The following NAV2 variants were observed in gnomAD, a reference collection of about 807,000 sequenced individuals.
The protein encoded by NAV2 is neuron navigator 2, also known as helicase, APC down-regulated 1.
NAV2 carries 54 observed loss-of-function variants against 223.2 expected under a neutral mutation model. The ratio of observed to expected loss-of-function variants is 0.24; its 90% CI spans 0.19 to 0.30. The LOEUF is 0.30. Ranked by LOEUF, NAV2 falls within the 10% of genes least tolerant of loss-of-function variation. The pLI, the probability that NAV2 is intolerant of heterozygous loss-of-function variation, is 1.00. For synonymous variants in NAV2, 1,279 were observed against 1,239.3 expected (o/e 1.03, Z -0.67); for missense variants, 2,806 against 3,147.5 (o/e 0.89, Z 2.60).
At chr11:19,346,651 C>T (rs1005657984), upstream of NAV2, among the ~76,000 whole-genome samples, 3 of 152,182 alleles carry the variant, frequency 2.0e-5, no homozygotes, top group African/African-American at 4.8e-5. Context: ...ACGCTCCGCT[C>T]GCTCGCAGTG....
At chr11:19,463,003 A>G (rs1473693996) in intron 1 of NAV2, among the ~76,000 whole-genome samples, 1 of 152,218 alleles carries the variant, frequency 6.6e-6, no homozygotes, top group East Asian at 1.9e-4. Flanking sequence ...CTTCGATAGT[A>G]ACTGAGCTGA....
chr11:19,464,294 C>A (rs532263958), intron 1 of NAV2, among the ~76,000 whole-genome samples: 17 of 152,246 alleles, frequency 1.1e-4, no homozygotes, highest in Admixed American at 1.0e-3. Flanking sequence ...GGGGCTGGGG[C>A]CCGGAAAAAT....
intron 3 of NAV2, among the ~76,000 whole-genome samples, chr11:19,854,814 G>T (rs1480896181): frequency 6.6e-6 from 1 of 152,138 alleles, no homozygotes; most frequent in Non-Finnish European, 1.5e-5. Context: ...TTCTTCCTCT[G>T]TGAAGTGTCC....
chr11:19,833,004 T>G (rs1465067890), intron 2 of NAV2, among the ~76,000 whole-genome samples: 1 of 152,236 alleles, frequency 6.6e-6, no homozygotes. Context: ...GGTTTAATCC[T>G]GCCAACTCTA....
intron 1 of NAV2, among the ~76,000 whole-genome samples, chr11:19,807,446 A>G (rs1344506357): frequency 6.6e-6 from 1 of 152,208 alleles, no homozygotes; most frequent in Non-Finnish European, 1.5e-5. Context: ...TTTGGGGCAC[A>G]TTTAGGGTCC....
intron 10 of NAV2, among the ~76,000 whole-genome samples, chr11:19,967,432 G>A (rs1402317371): frequency 6.6e-6 from 1 of 151,998 alleles, no homozygotes; most frequent in Non-Finnish European, 1.5e-5. Context: ...ACAAGGTGCA[G>A]GATTCAAAAC....
intron 1 of NAV2, among the ~76,000 whole-genome samples, chr11:19,521,552 A>C (rs1343927192): frequency 6.6e-6 from 1 of 152,192 alleles, no homozygotes; most frequent in East Asian, 1.9e-4. Flanking sequence ...TGCAGCTCAC[A>C]GTTTCATTCT....
upstream of NAV2, among the ~76,000 whole-genome samples, chr11:19,349,884 G>T (rs935070350): frequency 2.6e-5 from 4 of 152,112 alleles, no homozygotes; most frequent in African/African-American, 9.7e-5. Flanking sequence ...CAGATTCCCA[G>T]GCAGGGAATG....
chr11:19,531,533 G>A (rs1446814925), intron 1 of NAV2, among the ~76,000 whole-genome samples: 1 of 152,238 alleles, frequency 6.6e-6, no homozygotes, highest in South Asian at 2.1e-4. Context: ...TTTGTTGACA[G>A]ATTGGATGCA....
chr11:19,521,856 T>G (rs113749003), intron 1 of NAV2, among the ~76,000 whole-genome samples: 1 of 152,218 alleles, frequency 6.6e-6, no homozygotes, highest in Admixed American at 6.5e-5. Context: ...CCTTTCTCTT[T>G]GGCCACTATC....
intron 10 of NAV2, among the ~76,000 whole-genome samples, chr11:19,953,837 C>T (rs375307357): frequency 6.1e-4 from 90 of 148,486 alleles, no homozygotes; most frequent in African/African-American, 2.2e-3. Flanking sequence ...CTGAGATGCA[C>T]AAGAAATGTG....
chr11:19,517,774 A>G (rs933433458), intron 1 of NAV2, among the ~76,000 whole-genome samples: 8 of 152,262 alleles, frequency 5.3e-5, no homozygotes, highest in African/African-American at 1.2e-4. Flanking sequence ...TTTGCAGGTA[A>G]GAAAGCCCAC....
intron 1 of NAV2, among the ~76,000 whole-genome samples, chr11:19,624,734 T>C (rs183772323): frequency 2.2e-4 from 34 of 152,290 alleles, no homozygotes; most frequent in Admixed American, 2.0e-3. Flanking sequence ...CTGCTTCGGC[T>C]CACGCTTGGT....
chr11:19,592,015 C>G (rs1002662849), intron 1 of NAV2, among the ~76,000 whole-genome samples: 6 of 152,226 alleles, frequency 3.9e-5, no homozygotes, highest in Non-Finnish European at 8.8e-5. Context: ...CCCTATCACA[C>G]TTATTGATCT....
intron 1 of NAV2, among the ~76,000 whole-genome samples, chr11:19,821,210 C>G (rs1401645279): frequency 2.0e-5 from 3 of 147,818 alleles, no homozygotes; most frequent in African/African-American, 7.6e-5. Context: ...TGCAGTGAGC[C>G]GAGATTGCGC....
intron 1 of NAV2, among the ~76,000 whole-genome samples, chr11:19,476,224 C>T (rs558601660): frequency 3.3e-5 from 5 of 152,280 alleles, no homozygotes; most frequent in South Asian, 4.1e-4. Flanking sequence ...CCACCTGCCT[C>T]GGCCTCCCAA....
chr11:19,455,304 G>A (rs754932933), intron 1 of NAV2, among the ~76,000 whole-genome samples: 5 of 152,150 alleles, frequency 3.3e-5, no homozygotes, highest in African/African-American at 4.8e-5. Flanking sequence ...TGGGTTGGAA[G>A]GTTGGAGACC....
At chr11:19,407,987 C>T (rs577557095) in intron 1 of NAV2, among the ~76,000 whole-genome samples, 3 of 152,234 alleles carry the variant, frequency 2.0e-5, no homozygotes, top group South Asian at 4.2e-4. Context: ...AGCAAATTGT[C>T]GGCAAGCCCA....
intron 1 of NAV2, among the ~76,000 whole-genome samples, chr11:19,429,027 G>A (rs1393368240): frequency 6.6e-6 from 1 of 152,162 alleles, no homozygotes; most frequent in African/African-American, 2.4e-5. Flanking sequence ...GGGGAGAAGG[G>A]GAATGGGGAA....
Sources: gnomAD v4.1 joint callset for allele counts (sites outside exome capture counted in the v4.1 genomes callset) on GRCh38, gnomAD v4.1.1 for gene constraint, MANE v1.5 for transcripts, NCBI Gene and HGNC (gene_info 2026-07-23, HGNC 2026-07-21) for gene names.